The following ABLIM2 variants were observed in gnomAD, a reference collection of about 807,000 sequenced individuals.
ABLIM2 encodes the protein actin-binding LIM protein 2.
Under a neutral mutation model 97.7 loss-of-function variants are expected in ABLIM2, and 53 were observed. The ratio of observed to expected loss-of-function variants is 0.54; its 90% CI spans 0.44 to 0.68. The LOEUF is 0.68. Ranked by LOEUF, ABLIM2 falls within the 30% of genes least tolerant of loss-of-function variation. ABLIM2 has a pLI of 0.00. For missense variants in ABLIM2, 835 were observed against 867.2 expected (o/e 0.96, Z 0.47); for synonymous variants, 361 against 345.8 (o/e 1.04, Z -0.49).
intron 9 of ABLIM2, among the ~76,000 whole-genome samples, chr4:8,037,145 T>C (rs1784985571): frequency 1.3e-5 from 2 of 152,204 alleles, no homozygotes; most frequent in Non-Finnish European, 2.9e-5. Flanking sequence ...ATTTTATTTG[T>C]ATTATTTTTT....
intron 20 of ABLIM2, among the ~76,000 whole-genome samples, chr4:7,974,390 CCCATCCATCCACCCAT>C (rs1731031044): frequency 1.2e-5 from 1 of 81,832 alleles, no homozygotes; most frequent in African/African-American, 3.9e-5. Context: ...CACCCATCCA[CCCATCCATCCACCCAT>C]CCATCCACCA....
At chr4:8,030,231 T>A (rs1780046606) in intron 10 of ABLIM2, among the ~76,000 whole-genome samples, 1 of 152,226 alleles carries the variant, frequency 6.6e-6, no homozygotes, top group East Asian at 1.9e-4. Flanking sequence ...AGAAAGTTAC[T>A]CCACCCCAGG....
chr4:8,063,098 C>T (rs1804484314), intron 6 of ABLIM2, among the ~76,000 whole-genome samples: 2 of 152,334 alleles, frequency 1.3e-5, no homozygotes, highest in African/African-American at 4.8e-5. Flanking sequence ...CAGAGTCTCG[C>T]TCTGTTGCCC....
In ABLIM2 at chr4:8,082,706, G is replaced by A. The variant is rs939965471; in HGVS notation, c.455-1904C>T. The stretch of plus-strand genomic sequence containing the variant: ...TCTTACTCATTTCAGGACCCTGGAT[G>A]CCCAGCAGAGGCTGTGGGCTTGAGA... On this transcript the variant is annotated intron_variant, in intron 4 of 20. Coordinates refer to ENST00000447017, the MANE Select transcript of ABLIM2 (RefSeq NM_001130083.2). This position sits in a 1 kb window ranked among gnomAD's most constrained non-coding sequence, Gnocchi z 5.6. Among the ~76,000 whole-genome samples the A allele has an allele frequency of 3.3e-5, 5 of 152,214 alleles. No individual in the cohort carries two copies. Among genetic ancestry groups the A allele is most frequent in the African/African-American group, 7.2e-5 (3 of 41,454 alleles).
At position 8,058,947 on chromosome 4, in the gene ABLIM2, G is replaced by A. The variant is rs1297437185; in HGVS notation, c.763+2020C>T. On this transcript the variant is annotated intron_variant, in intron 7 of 20. Coordinates refer to ENST00000447017, the MANE Select transcript of ABLIM2 (RefSeq NM_001130083.2). The surrounding 1 kb of genome is among the most constrained non-coding windows in gnomAD (Gnocchi z 4.2). ...AGTTCAGCAAGAAGCCCAGTACCTC[G>A]AGCGACTTTCCACCTGCTGCCCCAA... 6.6e-6 allele frequency among the ~76,000 whole-genome samples: 1 copy of A among 151,988 alleles called. No homozygotes were observed. Among genetic ancestry groups the A allele is most frequent in the African/African-American group, 2.4e-5 (1 of 41,388 alleles).
Position 8,124,093 on chromosome 4 carries a change from C to G in ABLIM2, c.11-17456G>C, listed in dbSNP as rs1392845883. Among the ~76,000 whole-genome samples the G allele has an allele frequency of 6.6e-6, 1 of 152,178 alleles. No individual in the cohort carries two copies. The highest frequency in any genetic ancestry group is 1.5e-5 in the Non-Finnish European group (1 of 68,028). On this transcript the variant is annotated intron_variant, in intron 1 of 20. Coordinates refer to ENST00000447017, the MANE Select transcript of ABLIM2 (RefSeq NM_001130083.2). This position sits in a 1 kb window ranked among gnomAD's most constrained non-coding sequence, Gnocchi z 6.1. ...AGGCCACAAACAAAAACCACACACT[C>G]TCACACACCTGGGACATATGATATG...
In ABLIM2 at chr4:8,002,398, C is replaced by G. The variant is rs1757837837; in HGVS notation, c.1618+5661G>C. On this transcript the variant is annotated intron_variant, in intron 16 of 20. Coordinates refer to ENST00000447017, the MANE Select transcript of ABLIM2 (RefSeq NM_001130083.2). The surrounding 1 kb of genome is among the most constrained non-coding windows in gnomAD (Gnocchi z 6.1). ...ACCATGTGGGCCCTGCCAGTGAGAT[C>G]CTTCCAGGGCCCCCCACTGCTTTTG... is the stretch of plus-strand genomic sequence containing the variant. Among the ~76,000 whole-genome samples, 1 of 152,126 alleles carries G rather than the reference C, an allele frequency of 6.6e-6. No individual in the cohort carries two copies. Among genetic ancestry groups the G allele is most frequent in the Admixed American group, 6.5e-5 (1 of 15,280 alleles).
rs902610809 is a variant in ABLIM2, at chr4:8,150,310, G to A, written c.10+8370C>T. Among the ~76,000 whole-genome samples, 1 of 152,178 alleles carries A rather than the reference G, an allele frequency of 6.6e-6. No individual in the cohort carries two copies. Among genetic ancestry groups the A allele is most frequent in the Non-Finnish European group, 1.5e-5 (1 of 68,030 alleles). The stretch of plus-strand genomic sequence containing the variant: ...GGAATGACGGCAGACAGATGAGGAG[G>A]CCATGCTGAACTGGGGACGGAGTTC... On this transcript the variant is annotated intron_variant, in intron 1 of 20. Coordinates refer to ENST00000447017, the MANE Select transcript of ABLIM2 (RefSeq NM_001130083.2). This position sits in a 1 kb window ranked among gnomAD's most constrained non-coding sequence, Gnocchi z 6.3.
rs989551922 is a variant in ABLIM2 at position 8,054,693 on chromosome 4, T to C, written c.764-447A>G. 6.6e-6 allele frequency among the ~76,000 whole-genome samples: 1 copy of C among 152,108 alleles called. No homozygotes were observed. Among genetic ancestry groups the C allele is most frequent in the African/African-American group, 2.4e-5 (1 of 41,434 alleles). On this transcript the variant is annotated intron_variant, in intron 7 of 20. Coordinates refer to ENST00000447017, the MANE Select transcript of ABLIM2 (RefSeq NM_001130083.2). This position sits in a 1 kb window ranked among gnomAD's most constrained non-coding sequence, Gnocchi z 4.9. ...GAGACAGCTGGTGCTGCAACCTGGG[T>C]GGGAGCCAGCCTTGGGGAGGAGGAC...
Position 8,032,131 on chromosome 4 carries a change from A to G in ABLIM2, c.1048-2355T>C. 6.7e-6 allele frequency among the ~76,000 whole-genome samples: 1 copy of G among 150,346 alleles called. No homozygotes were observed. Among genetic ancestry groups the G allele is most frequent in the African/African-American group, 2.5e-5 (1 of 40,724 alleles). On this transcript the variant is annotated intron_variant, in intron 10 of 20. Coordinates refer to ENST00000447017, the MANE Select transcript of ABLIM2 (RefSeq NM_001130083.2). This position sits in a 1 kb window ranked among gnomAD's most constrained non-coding sequence, Gnocchi z 4.3. ...ACCATGACACCTTTCTGCTGTGGCC[A>G]CCCGTGCGGCCGCACAGACTGCAGT...
rs893763771 is a variant in ABLIM2, at chr4:8,095,311, G to A, written c.338+1788C>T. On this transcript the variant is annotated intron_variant, in intron 3 of 20. Transcript: ENST00000447017. The surrounding 1 kb of genome is among the most constrained non-coding windows in gnomAD (Gnocchi z 4.7). ...TAGAGACAGGGTCTTGCTATGTCAC[G>A]CAGGCTGATCTTGAACTCCCAGCCT... 6.6e-6 allele frequency among the ~76,000 whole-genome samples: 1 copy of A among 151,946 alleles called. No individual in the cohort carries two copies. Among genetic ancestry groups the A allele is most frequent in the Non-Finnish European group, 1.5e-5 (1 of 67,986 alleles).
intron 20 of ABLIM2, among the ~76,000 whole-genome samples, chr4:7,974,847 T>C (rs1211260999): frequency 1.3e-5 from 2 of 152,206 alleles, no homozygotes; most frequent in African/African-American, 4.8e-5. Context: ...TGGAAAACCC[T>C]GGTTGATAGA....
chr4:8,080,643 G>A (rs371611076), intron 5 of ABLIM2, 33 bp downstream of exon 5: 24 of 1,560,852 alleles, frequency 1.5e-5, no homozygotes, highest in African/African-American at 1.2e-4. Flanking sequence ...AAGCCTGAGC[G>A]GAGGCTCTCA....
intron 7 of ABLIM2, among the ~76,000 whole-genome samples, chr4:8,059,045 G>A (rs1801222143): frequency 6.6e-6 from 1 of 152,074 alleles, no homozygotes; most frequent in Non-Finnish European, 1.5e-5. Context: ...CCATTGCGAT[G>A]GTCCTGACTC....
intron 1 of ABLIM2, among the ~76,000 whole-genome samples, chr4:8,153,880 C>T (rs902514096): frequency 2.6e-5 from 4 of 152,198 alleles, no homozygotes; most frequent in Non-Finnish European, 4.4e-5. Context: ...CCCGACATTG[C>T]CTCCCTCACT....
intron 17 of ABLIM2, among the ~76,000 whole-genome samples, chr4:7,988,189 A>C (rs1415168671): frequency 6.6e-6 from 1 of 152,016 alleles, no homozygotes; most frequent in Non-Finnish European, 1.5e-5. Flanking sequence ...TGCCTGGCTA[A>C]TTTTTGTAAT....
intron 12 of ABLIM2, among the ~76,000 whole-genome samples, chr4:8,025,866 C>A (rs1372412074): frequency 6.6e-6 from 1 of 152,176 alleles, no homozygotes; most frequent in African/African-American, 2.4e-5. Flanking sequence ...TCCTTGGGTG[C>A]CCTGCCGTGA....
Position 8,127,506 on chromosome 4 carries a change from C to T in ABLIM2, c.11-20869G>A, listed in dbSNP as rs1023072369. The T allele has an allele frequency of 7.8e-7, 1 of 1,289,722 alleles. No homozygotes were observed. The highest frequency in any genetic ancestry group is 2.3e-5 in the Admixed American group (1 of 43,562). 79.9% of individuals were successfully genotyped at this position (1,289,722 alleles called of 1,614,324 possible). ...GCTGACTCATGGAGCTCACGGCTCC[C>T]AGCCGGATGGTCTGGGCAAAAGCGC... On this transcript the variant is annotated intron_variant, in intron 1 of 20. Coordinates refer to ENST00000447017, the MANE Select transcript of ABLIM2 (RefSeq NM_001130083.2). The surrounding 1 kb of genome is among the most constrained non-coding windows in gnomAD (Gnocchi z 7.3).
At chr4:8,040,863 C>T (rs1042860305) in intron 9 of ABLIM2, among the ~76,000 whole-genome samples, 2 of 152,256 alleles carry the variant, frequency 1.3e-5, no homozygotes, top group South Asian at 2.1e-4. Context: ...ATTGGGAGCA[C>T]GTGTCCTTGC....
Sources: gnomAD v4.1 joint callset for allele counts (sites outside exome capture counted in the v4.1 genomes callset) on GRCh38, gnomAD v4.1.1 for gene constraint, Gnocchi (gnomAD v3.1) non-coding constraint, MANE v1.5 for transcripts, NCBI Gene and HGNC (gene_info 2026-07-23, HGNC 2026-07-21) for gene names.